ADCY1: variants seen among roughly 807,000 people sequenced by gnomAD.
ADCY1 encodes the protein adenylate cyclase 1.
A neutral mutation model predicts 105.4 loss-of-function variants in ADCY1; 28 were observed. The observed-to-expected ratio is 0.27, with a 90% confidence interval of 0.20 to 0.36. The LOEUF is 0.36. Among genes scored for constraint, ADCY1 ranks in the 10% least tolerant of loss-of-function variants. ADCY1 has a pLI of 1.00. For synonymous variants in ADCY1, 655 were observed against 623.8 expected (o/e 1.05, Z -0.75); for missense variants, 977 against 1,434.2 (o/e 0.68, Z 5.15).
intron 17 of ADCY1, among the ~76,000 whole-genome samples, chr7:45,706,512 AAG>A (rs1554332712): frequency 2.2e-5 from 3 of 135,504 alleles, no homozygotes; most frequent in African/African-American, 7.6e-5. Context: ...AAAAAAAAAA[AAG>A]AATATAGATG....
At chr7:45,646,568 A>C (rs1188922072) in intron 4 of ADCY1, among the ~76,000 whole-genome samples, 1 of 152,230 alleles carries the variant, frequency 6.6e-6, no homozygotes, top group African/African-American at 2.4e-5. Context: ...AAGCAGGCAT[A>C]TCCTGACCCC....
intron 4 of ADCY1, among the ~76,000 whole-genome samples, chr7:45,642,288 G>A (rs961986555): frequency 2.6e-5 from 4 of 152,212 alleles, no homozygotes; most frequent in South Asian, 4.1e-4. Context: ...ATGTGCATGG[G>A]CTCAGGGCTA....
intron 3 of ADCY1, among the ~76,000 whole-genome samples, chr7:45,614,189 AAAAT>A (rs1217805642): frequency 6.6e-6 from 1 of 152,200 alleles, no homozygotes; most frequent in Non-Finnish European, 1.5e-5. Flanking sequence ...AAAAGTATTA[AAAAT>A]AAATAACTGG....
intron 7 of ADCY1, among the ~76,000 whole-genome samples, chr7:45,661,123 G>T (rs1367004828): frequency 6.6e-6 from 1 of 152,124 alleles, no homozygotes; most frequent in East Asian, 1.9e-4. Flanking sequence ...TAGTCATTGT[G>T]CACCCCAGTG....
chr7:45,613,514 C>T (rs569542222), intron 3 of ADCY1, among the ~76,000 whole-genome samples: 1 of 152,218 alleles, frequency 6.6e-6, no homozygotes, highest in East Asian at 1.9e-4. Context: ...AGCAACAGAA[C>T]CAGATTGTAC....
At position 45,647,100 on chromosome 7, in the gene ADCY1, G is replaced by T. The variant is rs1458348175; in HGVS notation, c.1021-1570G>T. 2.6e-5 allele frequency among the ~76,000 whole-genome samples: 4 copies of T among 152,256 alleles called. No individual in the cohort carries two copies. The highest frequency in any genetic ancestry group is 9.6e-5 in the African/African-American group (4 of 41,478). On this transcript the variant is annotated intron_variant, in intron 4 of 19. Transcript: ENST00000297323. This position sits in a 1 kb window ranked among gnomAD's most constrained non-coding sequence, Gnocchi z 4.6. ...ACAGCGCCCCCTCCTCTGATGCTGG[G>T]CGGTGGCCAGGGCCATCTCTCAAGG...
At position 45,686,786 on chromosome 7, in the gene ADCY1, G is replaced by C; in HGVS notation, c.2454+113G>C. ...ACACCCACACGCCGTATGGCCCTCG[G>C]AGGGCCCTCCTCAGCAGCATGCAAG... On this transcript the variant is annotated intron_variant, in intron 14 of 19. Coordinates refer to ENST00000297323, the MANE Select transcript of ADCY1 (RefSeq NM_021116.4). The surrounding 1 kb of genome is among the most constrained non-coding windows in gnomAD (Gnocchi z 4.3). 1 of 1,431,040 alleles carries C rather than the reference G, an allele frequency of 7.0e-7. No homozygotes were observed. Among genetic ancestry groups the C allele is most frequent in the African/African-American group, 1.4e-5 (1 of 70,612 alleles). 88.6% of individuals were successfully genotyped at this position (1,431,040 alleles called of 1,614,324 possible).
At chr7:45,609,127 G>A (rs1349678260) in intron 2 of ADCY1, among the ~76,000 whole-genome samples, 1 of 152,240 alleles carries the variant, frequency 6.6e-6, no homozygotes, top group Non-Finnish European at 1.5e-5. Context: ...GGCCCTCATG[G>A]CCACTTCCCA....
At chr7:45,635,295 C>T (rs1333398243) in intron 4 of ADCY1, among the ~76,000 whole-genome samples, 2 of 151,820 alleles carry the variant, frequency 1.3e-5, no homozygotes, top group African/African-American at 4.8e-5. Context: ...ACAAGTTTAT[C>T]AATTTCATTG....
At chr7:45,580,960 A>G (rs1792519305) in intron 1 of ADCY1, among the ~76,000 whole-genome samples, 1 of 152,112 alleles carries the variant, frequency 6.6e-6, no homozygotes, top group African/African-American at 2.4e-5. Flanking sequence ...TCTGAGGTTG[A>G]GAGGGCCAGG....
chr7:45,708,173 A>G lies in ADCY1; in HGVS notation c.2818-177A>G, dbSNP rs1222492134. ...CCTCAGGAGCCCCTGGGGCTTGGCC[A>G]ATACCCTGCCTCTCTCTTAGTCTCC... is the stretch of plus-strand genomic sequence containing the variant. On this transcript the variant is annotated intron_variant, in intron 17 of 19. Transcript: ENST00000297323. This position sits in a 1 kb window ranked among gnomAD's most constrained non-coding sequence, Gnocchi z 4.7. Among the ~76,000 whole-genome samples the G allele has an allele frequency of 6.6e-6, 1 of 152,204 alleles. No homozygotes were observed. Among genetic ancestry groups the G allele is most frequent in the African/African-American group, 2.4e-5 (1 of 41,452 alleles).
chr7:45,623,114 C>T (rs1793943893), intron 4 of ADCY1, among the ~76,000 whole-genome samples: 1 of 152,186 alleles, frequency 6.6e-6, no homozygotes, highest in Non-Finnish European at 1.5e-5. Context: ...TCGTTCTGGG[C>T]TCTACTGGAG....
intron 8 of ADCY1, among the ~76,000 whole-genome samples, chr7:45,662,731 C>T (rs776227602): frequency 1.8e-4 from 28 of 152,160 alleles, no homozygotes; most frequent in Non-Finnish European, 3.1e-4. Flanking sequence ...GACGTCCAGA[C>T]GAGCAAAACA....
intron 4 of ADCY1, among the ~76,000 whole-genome samples, chr7:45,645,360 C>T (rs1039502398): frequency 1.3e-5 from 2 of 152,028 alleles, no homozygotes; most frequent in Non-Finnish European, 2.9e-5. Flanking sequence ...AGATTCCACC[C>T]CAGCCAGCCC....
intron 3 of ADCY1, among the ~76,000 whole-genome samples, chr7:45,611,507 G>A (rs886965506): frequency 6.6e-6 from 1 of 152,110 alleles, no homozygotes; most frequent in Non-Finnish European, 1.5e-5. Context: ...TCTGGTATAT[G>A]TGTGCTCTTC....
rs1041397703 is a variant in ADCY1, at chr7:45,575,969, G to T, written c.639+787G>T. Among the ~76,000 whole-genome samples, 11 of 152,252 alleles carry T rather than the reference G, an allele frequency of 7.2e-5. No homozygotes were observed. Among genetic ancestry groups the T allele is most frequent in the Non-Finnish European group, 1.3e-4 (9 of 68,050 alleles). On this transcript the variant is annotated intron_variant, in intron 1 of 19. Coordinates refer to ENST00000297323, the MANE Select transcript of ADCY1 (RefSeq NM_021116.4). The surrounding 1 kb of genome is among the most constrained non-coding windows in gnomAD (Gnocchi z 4.7). ...TGCCCGGAGGTGGACGTGGACCAGA[G>T]GTCTTTGCCCCACGGCGGGGCTTTG...
chr7:45,604,870 G>A (rs1181503138), intron 2 of ADCY1, among the ~76,000 whole-genome samples: 1 of 152,120 alleles, frequency 6.6e-6, no homozygotes, highest in Non-Finnish European at 1.5e-5. Context: ...AATTTGCTGG[G>A]ATTTTGATAG....
intron 3 of ADCY1, among the ~76,000 whole-genome samples, chr7:45,615,788 G>T (rs1401908336): frequency 1.6e-5 from 2 of 125,870 alleles, no homozygotes; most frequent in Non-Finnish European, 3.4e-5. Context: ...TGCACCTCAA[G>T]AAGCCACAAA....
intron 4 of ADCY1, among the ~76,000 whole-genome samples, chr7:45,626,792 C>T (rs376274251): frequency 3.3e-5 from 5 of 152,152 alleles, no homozygotes; most frequent in East Asian, 1.9e-4. Context: ...GAGGGGAGCT[C>T]GATTAGGGAT....
Sources: gnomAD v4.1 joint callset for allele counts (sites outside exome capture counted in the v4.1 genomes callset) on GRCh38, gnomAD v4.1.1 for gene constraint, Gnocchi (gnomAD v3.1) non-coding constraint, MANE v1.5 for transcripts, NCBI Gene and HGNC (gene_info 2026-07-23, HGNC 2026-07-21) for gene names.